Variants in SPOCK3 observed in about 807,000 individuals in gnomAD.
The protein encoded by SPOCK3 is testican-3.
SPOCK3 carries 30 observed loss-of-function variants against 56.6 expected under a neutral mutation model. The ratio of observed to expected loss-of-function variants is 0.53; its 90% confidence interval spans 0.40 to 0.72. SPOCK3 has a LOEUF of 0.72. Among genes scored for constraint, SPOCK3 ranks in the 30% least tolerant of loss-of-function variants. The pLI is 0.00. For synonymous variants in SPOCK3, 196 were observed against 183.3 expected (o/e 1.07, Z -0.56); for missense variants, 527 against 530.0 (o/e 0.99, Z 0.06).
intron 2 of SPOCK3, among the ~76,000 whole-genome samples, chr4:167,220,158 G>A (rs749962025): frequency 2.7e-4 from 41 of 152,150 alleles, no homozygotes; most frequent in Non-Finnish European, 4.7e-4. Context: ...TGTTGATTAC[G>A]TATGATAGTA....
chr4:167,056,452 C>T (rs1179578270), intron 3 of SPOCK3, among the ~76,000 whole-genome samples: 2 of 152,176 alleles, frequency 1.3e-5, no homozygotes, highest in African/African-American at 4.8e-5. Flanking sequence ...CTTTGACGAG[C>T]TGAGAGAAGA....
At chr4:167,078,671 AG>A (rs1206749607) in intron 2 of SPOCK3, among the ~76,000 whole-genome samples, 4 of 151,762 alleles carry the variant, frequency 2.6e-5, no homozygotes, top group African/African-American at 9.7e-5. Context: ...CCTATGATGC[AG>A]GTATCATCCT....
At chr4:166,792,636 G>A (rs1179378482) in intron 6 of SPOCK3, among the ~76,000 whole-genome samples, 1 of 151,934 alleles carries the variant, frequency 6.6e-6, no homozygotes, top group African/African-American at 2.4e-5. Flanking sequence ...AAAATAAAGG[G>A]TTGAAAATCC....
chr4:166,767,601 C>A (rs566746869), intron 7 of SPOCK3, among the ~76,000 whole-genome samples: 15 of 152,122 alleles, frequency 9.9e-5, no homozygotes, highest in South Asian at 2.1e-4. Flanking sequence ...GGAGTGCTTT[C>A]CTTCCAACTA....
At chr4:166,977,313 CTTAT>C (rs972834057) in intron 4 of SPOCK3, among the ~76,000 whole-genome samples, 5 of 151,956 alleles carry the variant, frequency 3.3e-5, no homozygotes, top group Non-Finnish European at 7.4e-5. Flanking sequence ...TTAATTCAGA[CTTAT>C]TTAGACTTAA....
intron 2 of SPOCK3, 121 bp downstream of exon 2, chr4:167,233,864 G>T: frequency 1.2e-6 from 1 of 841,508 alleles, no homozygotes; most frequent in Non-Finnish European, 1.9e-6. Flanking sequence ...GCGCCGCCGC[G>T]TTTCCCTAAA....
At chr4:167,163,731 C>T (rs1765520038) in intron 2 of SPOCK3, among the ~76,000 whole-genome samples, 1 of 151,972 alleles carries the variant, frequency 6.6e-6, no homozygotes, top group Non-Finnish European at 1.5e-5. Flanking sequence ...TAATGTCCTC[C>T]AGTTTCATTC....
chr4:166,898,579 C>A (rs1735662819), intron 5 of SPOCK3, among the ~76,000 whole-genome samples: 1 of 152,122 alleles, frequency 6.6e-6, no homozygotes, highest in South Asian at 2.1e-4. Context: ...TCCTGTGAGG[C>A]TTTTGGGGCC....
intron 4 of SPOCK3, among the ~76,000 whole-genome samples, chr4:166,930,030 G>C (rs922516061): frequency 3.9e-5 from 6 of 152,022 alleles, no homozygotes; most frequent in African/African-American, 1.4e-4. Flanking sequence ...CCATGATGTA[G>C]AGTCATTTTG....
chr4:166,952,815 G>C (rs373954772), intron 4 of SPOCK3, among the ~76,000 whole-genome samples: 1 of 152,026 alleles, frequency 6.6e-6, no homozygotes, highest in Non-Finnish European at 1.5e-5. Flanking sequence ...ACAAACCTGA[G>C]AAAAACAAGC....
At chr4:167,033,435 T>C (rs1239588899) in intron 3 of SPOCK3, among the ~76,000 whole-genome samples, 1 of 150,476 alleles carries the variant, frequency 6.6e-6, no homozygotes, top group Non-Finnish European at 1.5e-5. Context: ...GGGTTTGATA[T>C]GGCCAAAGTA....
chr4:166,741,730 G>A (rs1420625607), intron 9 of SPOCK3, among the ~76,000 whole-genome samples: 9 of 152,056 alleles, frequency 5.9e-5, no homozygotes, highest in Non-Finnish European at 1.2e-4. Flanking sequence ...TTCTGCTGAT[G>A]TTTTAACTTT....
chr4:167,177,443 C>A (rs1731085057), intron 2 of SPOCK3, among the ~76,000 whole-genome samples: 1 of 151,962 alleles, frequency 6.6e-6, no homozygotes, highest in Non-Finnish European at 1.5e-5. Context: ...CCTATAGTTC[C>A]ATGAGTTGGA....
intron 4 of SPOCK3, among the ~76,000 whole-genome samples, chr4:166,921,323 AT>A (rs746455090): frequency 0.017 from 2,314 of 138,202 alleles, 30 homozygotes; most frequent in African/African-American, 0.046. Flanking sequence ...CATGTGTTGA[AT>A]TTTTTTTTTT....
In SPOCK3 at chr4:166,801,285, G is replaced by A. The variant is rs184363136; in HGVS notation, c.590-8996C>T. On this transcript the variant is annotated intron_variant, in intron 6 of 10. Coordinates refer to ENST00000357545, the MANE Select transcript of SPOCK3 (RefSeq NM_001040159.2). The stretch of plus-strand genomic sequence containing the variant: ...TACTTTGTCCAAATCATAGGTATTC[G>A]GTAGCACATCTGGTACTCCTAATTC... Among the ~76,000 whole-genome samples, 24 of 152,034 alleles carry A rather than the reference G, an allele frequency of 1.6e-4. No homozygotes were observed. In the East Asian group the frequency reaches 2.9e-3, roughly 18 times the overall value.
chr4:166,854,008 G>T (rs1012292547), intron 6 of SPOCK3, among the ~76,000 whole-genome samples: 1 of 152,094 alleles, frequency 6.6e-6, no homozygotes, highest in Non-Finnish European at 1.5e-5. Flanking sequence ...ATGTTAGTTT[G>T]AGCAATATGA....
chr4:167,222,568 TTA>T (rs1561340672), intron 2 of SPOCK3, among the ~76,000 whole-genome samples: 1 of 136,252 alleles, frequency 7.3e-6, no homozygotes, highest in African/African-American at 2.6e-5. Context: ...TATATACATG[TTA>T]TAGATTCATA....
At chr4:167,209,438 C>A (rs1008472044) in intron 2 of SPOCK3, among the ~76,000 whole-genome samples, 2 of 152,024 alleles carry the variant, frequency 1.3e-5, no homozygotes, top group East Asian at 3.9e-4. Flanking sequence ...TTTCACAATG[C>A]TAACACTGAA....
intron 4 of SPOCK3, among the ~76,000 whole-genome samples, chr4:166,972,280 A>G (rs1745476147): frequency 6.6e-6 from 1 of 152,170 alleles, no homozygotes; most frequent in Non-Finnish European, 1.5e-5. Flanking sequence ...GTACAAAACC[A>G]CAAATCACAA....
Sources: allele counts gnomAD v4.1 joint callset (sites outside exome capture counted in the v4.1 genomes callset), GRCh38; gene constraint gnomAD v4.1.1; transcripts MANE v1.5; gene names NCBI Gene and HGNC (gene_info 2026-07-23, HGNC 2026-07-21).